The following TTC27 variants were observed in gnomAD, a reference collection of about 807,000 sequenced individuals.
The protein encoded by TTC27 is tetratricopeptide repeat domain 27.
In TTC27, 79 loss-of-function variants were observed where a neutral mutation model predicts 115.9. That is an observed-to-expected ratio of 0.68 (90% CI 0.57 to 0.82). The LOEUF is 0.82. Among genes scored for constraint, TTC27 ranks in the 40% least tolerant of loss-of-function variants. The probability of loss-of-function intolerance (pLI) is 0.00; values close to 1 mark genes in which losing one functional copy is unlikely to be tolerated. For missense variants in TTC27, 1,054 were observed against 993.1 expected (o/e 1.06, Z -0.82); for synonymous variants, 401 against 356.0 (o/e 1.13, Z -1.42).
chr2:32,795,028 C>T (rs1366027247), intron 16 of TTC27, among the ~76,000 whole-genome samples: 1 of 151,878 alleles, frequency 6.6e-6, no homozygotes, highest in Non-Finnish European at 1.5e-5. Context: ...TCACAACAAT[C>T]TTTCTTAAAC....
At chr2:32,730,707 C>T (rs955216721) in intron 10 of TTC27, among the ~76,000 whole-genome samples, 3 of 151,512 alleles carry the variant, frequency 2.0e-5, no homozygotes, top group East Asian at 1.9e-4. Flanking sequence ...CTGCAACCTC[C>T]GCCTCCTGGG....
At chr2:32,728,381 C>T (rs1329385330) in intron 10 of TTC27, among the ~76,000 whole-genome samples, 1 of 152,028 alleles carries the variant, frequency 6.6e-6, no homozygotes, top group African/African-American at 2.4e-5. Flanking sequence ...CCTGTAATCA[C>T]AAAAAGAGGA....
At chr2:32,754,470 T>C (rs1394908519) in intron 12 of TTC27, among the ~76,000 whole-genome samples, 36 of 149,590 alleles carry the variant, frequency 2.4e-4, no homozygotes, top group Admixed American at 4.7e-4. Context: ...GGTAAGGTCA[T>C]AGATCAACAG....
At position 32,782,636 on chromosome 2, in the gene TTC27, C is replaced by T. The variant is rs777400596; in HGVS notation, c.1790C>T (p.Ala597Val). ...TCTCTATCATTTCAGAATGCTGAAG[C>T]TTGGAACAATTTGTCAACTTCCTAT... ...CVTLEPDNAE[A>V]WNNLSTSYIR... The change falls in exon 15 of 20, where the codon GCT (alanine) becomes GTT (valine). Residue 597 changes from alanine to valine, a missense_variant. Ala to Val is a moderately conservative substitution (Grantham distance 64). Coordinates refer to ENST00000317907, the MANE Select transcript of TTC27 (RefSeq NM_017735.5). 1.2e-6 allele frequency: 2 copies of T among 1,611,636 alleles called. No individual in the cohort carries two copies. The highest frequency in any genetic ancestry group is 1.7e-6 in the Non-Finnish European group (2 of 1,178,558).
intron 9 of TTC27, among the ~76,000 whole-genome samples, chr2:32,686,985 C>T (rs945554144): frequency 1.3e-5 from 2 of 152,150 alleles, no homozygotes; most frequent in African/African-American, 4.8e-5. Context: ...CCTGGGATTA[C>T]AGGCATGCAC....
chr2:32,674,872 C>T (rs552659593), intron 8 of TTC27, among the ~76,000 whole-genome samples: 1 of 152,182 alleles, frequency 6.6e-6, no homozygotes, highest in Admixed American at 6.5e-5. Flanking sequence ...CTGTGTTAGC[C>T]AGGATGGTCT....
At chr2:32,767,707 C>T (rs1447886471) in intron 13 of TTC27, among the ~76,000 whole-genome samples, 3 of 151,014 alleles carry the variant, frequency 2.0e-5, no homozygotes, top group Non-Finnish European at 4.4e-5. Context: ...ATGATCCACC[C>T]GCCTCGGCCT....
At chr2:32,695,022 A>G (rs1666937016) in intron 9 of TTC27, among the ~76,000 whole-genome samples, 1 of 152,090 alleles carries the variant, frequency 6.6e-6, no homozygotes, top group Non-Finnish European at 1.5e-5. Context: ...GTTTTGTAAA[A>G]TACATATTTT....
Position 32,702,754 on chromosome 2 carries a change from A to G in TTC27, c.1120-53A>G, listed in dbSNP as rs551445522. On this transcript the variant is annotated intron_variant, in intron 9 of 19. Transcript: ENST00000317907. ...AATTAATTTTGTCCTATTCAGAATG[A>G]GATCACCTAGCTTATCTCTTTTCTA... 97 of 1,172,352 alleles carry G rather than the reference A, an allele frequency of 8.3e-5. No individual in the cohort carries two copies. The African/African-American group carries it at 1.5e-3, about 18-fold the overall frequency. 72.6% of individuals were successfully genotyped at this position (1,172,352 alleles called of 1,614,324 possible).
At chr2:32,809,238 G>A (rs1671237007) in intron 16 of TTC27, among the ~76,000 whole-genome samples, 1 of 152,204 alleles carries the variant, frequency 6.6e-6, no homozygotes, top group Non-Finnish European at 1.5e-5. Flanking sequence ...CACACTGGTT[G>A]CATTTCTCTC....
chr2:32,809,589 C>T (rs1363796980), intron 16 of TTC27, among the ~76,000 whole-genome samples: 1 of 152,200 alleles, frequency 6.6e-6, no homozygotes, highest in African/African-American at 2.4e-5. Flanking sequence ...ATGGACTGCA[C>T]TGACTAGCAT....
At chr2:32,790,900 T>C (rs1326515280) in intron 16 of TTC27, among the ~76,000 whole-genome samples, 1 of 152,222 alleles carries the variant, frequency 6.6e-6, no homozygotes, top group Admixed American at 6.5e-5. Context: ...TGTCAGCAAA[T>C]AGAGACAGTT....
intron 13 of TTC27, among the ~76,000 whole-genome samples, chr2:32,767,450 T>TTTTTG (rs1330548703): frequency 1.5e-5 from 1 of 68,254 alleles, no homozygotes; most frequent in East Asian, 6.3e-4. Context: ...TAAGTTTTTT[T>TTTTTG]TTGTTTTTTT....
chr2:32,754,112 A>C (rs561256273), intron 12 of TTC27, among the ~76,000 whole-genome samples: 2 of 151,864 alleles, frequency 1.3e-5, no homozygotes, highest in East Asian at 3.9e-4. Flanking sequence ...ATAAATAAAA[A>C]ATTAAAGAAC....
chr2:32,707,692 C>T (rs1334030451), intron 10 of TTC27, among the ~76,000 whole-genome samples: 1 of 152,088 alleles, frequency 6.6e-6, no homozygotes, highest in Non-Finnish European at 1.5e-5. Context: ...GTTTAGGTCG[C>T]TCTATTGATG....
intron 1 of TTC27, among the ~76,000 whole-genome samples, chr2:32,629,690 C>T (rs1169575006): frequency 2.0e-5 from 3 of 152,004 alleles, no homozygotes; most frequent in Non-Finnish European, 4.4e-5. Flanking sequence ...CCACCCACCT[C>T]GGCCTCCCAA....
chr2:32,701,120 G>A (rs901611942), intron 9 of TTC27, among the ~76,000 whole-genome samples: 8 of 152,162 alleles, frequency 5.3e-5, no homozygotes, highest in Non-Finnish European at 1.2e-4. Flanking sequence ...TATGGGGGCA[G>A]GGATCCTGTC....
rs890360771 is a variant in TTC27 at position 32,714,234 on chromosome 2, C to G, written c.1233+11314C>G. Among the ~76,000 whole-genome samples the G allele has an allele frequency of 9.3e-5, 14 of 150,320 alleles. 1 individual carries two copies. The South Asian group carries it at 1.9e-3, about 21-fold the overall frequency. ...AGTGCAGTGGTACCATCTCGGCTCA[C>G]TGAAAGCTCCACCTCCCGGGTTCAC... On this transcript the variant is annotated intron_variant, in intron 10 of 19. Coordinates refer to ENST00000317907, the MANE Select transcript of TTC27 (RefSeq NM_017735.5).
At chr2:32,651,270 T>A (rs1330868257) in intron 5 of TTC27, among the ~76,000 whole-genome samples, 1 of 152,164 alleles carries the variant, frequency 6.6e-6, no homozygotes. Flanking sequence ...GGTAGCACAT[T>A]CATGAAGGTA....
Sources: allele counts gnomAD v4.1 joint callset (sites outside exome capture counted in the v4.1 genomes callset), GRCh38; gene constraint gnomAD v4.1.1; transcripts MANE v1.5; gene names NCBI Gene and HGNC (gene_info 2026-07-23, HGNC 2026-07-21).